Variants in CUL4A observed in about 807,000 individuals in gnomAD.
CUL4A encodes the protein cullin 4A.
CUL4A carries 16 observed loss-of-function variants against 95.5 expected under a neutral mutation model. The observed-to-expected ratio is 0.17, with a 90% CI of 0.11 to 0.25. The LOEUF is 0.25. Among genes scored for constraint, CUL4A ranks in the 10% least tolerant of loss-of-function variants. CUL4A has a pLI of 1.00. For synonymous variants in CUL4A, 380 were observed against 353.1 expected (o/e 1.08, Z -0.85); for missense variants, 610 against 937.0 (o/e 0.65, Z 4.56).
At chr13:113,220,886 G>A (rs2040871952) in intron 3 of CUL4A, among the ~76,000 whole-genome samples, 1 of 152,116 alleles carries the variant, frequency 6.6e-6, no homozygotes, top group Non-Finnish European at 1.5e-5. Context: ...GTATTTCCCT[G>A]GTGCAGTGGC....
chr13:113,245,272 A>G, intron 14 of CUL4A, 35 bp downstream of exon 14: 2 of 1,585,058 alleles, frequency 1.3e-6, no homozygotes, highest in Non-Finnish European at 1.7e-6. Context: ...CGGCTTTTTA[A>G]AAAGTATCTG....
In CUL4A at chr13:113,266,388, T is replaced by C. The variant is rs182353659; in HGVS notation, c.*2806T>C. On this transcript the variant is annotated 3_prime_UTR_variant, in exon 20 of 20. Transcript: ENST00000375440. ...CTAGTAACAAATAGGGAAACACCTA[T>C]GTGAAAGGTATTATAACATTACTAA... 8 of 152,314 alleles carry C rather than the reference T, an allele frequency of 5.3e-5. No homozygotes were observed. Among genetic ancestry groups the C allele is most frequent in the African/African-American group, 1.9e-4 (8 of 41,578 alleles). 9.4% of individuals were successfully genotyped at this position (152,314 alleles called of 1,614,324 possible).
At chr13:113,254,606 A>AT in intron 16 of CUL4A, 87 bp from the exon 17 acceptor site, 4 of 910,268 alleles carry the variant, frequency 4.4e-6, no homozygotes, top group Non-Finnish European at 6.7e-6. Context: ...AAAAAAAAAA[A>AT]GTTTGAGAGC....
intron 2 of CUL4A, among the ~76,000 whole-genome samples, chr13:113,215,137 C>T (rs575620001): frequency 7.0e-6 from 1 of 143,112 alleles, no homozygotes; most frequent in Non-Finnish European, 1.5e-5. Context: ...AGTCGCGTTC[C>T]GTGTGGCTGT....
In CUL4A at chr13:113,209,758, T is replaced by A; in HGVS notation, c.131T>A (p.Val44Asp). The A allele has an allele frequency of 2.6e-6, 3 of 1,175,276 alleles. No homozygotes were observed. The highest frequency in any genetic ancestry group is 3.2e-6 in the Non-Finnish European group (3 of 951,744). The allele number at this position is 1,175,276 out of a possible 1,614,324, so 72.8% of individuals were successfully genotyped here. The change falls in exon 1 of 20, where the codon GTC becomes GAC. Residue 44 changes from valine to aspartate, a missense_variant. Physicochemically the swap from Val to Asp is radical, Grantham distance 152 (BLOSUM62 -3). Coordinates refer to ENST00000375440, the MANE Select transcript of CUL4A (RefSeq NM_001008895.4). Reference sequence around the variant, plus strand: ...GGCGCGGGCGGCTCCAAGAAGCTGGTCATCAAGAACTTCCGAGGTGGGTGC... The same window carrying A: ...GGCGCGGGCGGCTCCAAGAAGCTGGACATCAAGAACTTCCGAGGTGGGTGC... ...PGGAGGSKKL[V>D]IKNFRDRPRL...
rs2040332008 is a variant in CUL4A, at chr13:113,210,163, G to T, written c.264+75G>T. On this transcript the variant is annotated intron_variant, in intron 2 of 19. Transcript: ENST00000375440. ...AGACGCGGCCGGGCGGCCGCTCCGG[G>T]TGCCTCGCAGGCTCTCGCCGGGGAG... is the stretch of plus-strand genomic sequence containing the variant. The T allele has an allele frequency of 8.8e-6, 9 of 1,020,698 alleles. No homozygotes were observed. In the South Asian group the frequency reaches 9.4e-5, roughly 11 times the overall value. 63.2% of individuals were successfully genotyped at this position (1,020,698 alleles called of 1,614,324 possible).
intron 3 of CUL4A, 35 bp from the exon 4 acceptor site, chr13:113,227,941 C>A: frequency 7.2e-7 from 1 of 1,379,558 alleles, no homozygotes; most frequent in African/African-American, 1.4e-5. Context: ...TTAAATTGGC[C>A]AGCATTTTTA....
At chr13:113,212,190 A>G (rs1428918234) in intron 2 of CUL4A, among the ~76,000 whole-genome samples, 1 of 152,202 alleles carries the variant, frequency 6.6e-6, no homozygotes, top group Non-Finnish European at 1.5e-5. Flanking sequence ...TTTATTATGT[A>G]TTCTGGATAC....
intron 18 of CUL4A, among the ~76,000 whole-genome samples, chr13:113,255,347 A>G (rs777166737): frequency 4.6e-5 from 7 of 152,198 alleles, no homozygotes; most frequent in Non-Finnish European, 7.3e-5. Flanking sequence ...TGTTATTCCT[A>G]TTCACAAAAA....
chr13:113,252,150 G>GCAGGATC (rs1220632255), intron 15 of CUL4A, among the ~76,000 whole-genome samples: 5 of 152,182 alleles, frequency 3.3e-5, no homozygotes, highest in Non-Finnish European at 7.3e-5. Context: ...GAAAACACGA[G>GCAGGATC]CAGGATCCGG....
At chr13:113,246,091 C>T (rs373461324) in intron 15 of CUL4A, 28 bp downstream of exon 15, 1 of 1,533,268 alleles carries the variant, frequency 6.5e-7, no homozygotes, top group Non-Finnish European at 9.0e-7. Context: ...ATGCTGTCCG[C>T]TCCCGCTGTC....
chr13:113,233,019 A>T, intron 5 of CUL4A, 158 bp from the exon 6 acceptor site: 1 of 745,910 alleles, frequency 1.3e-6, no homozygotes, highest in South Asian at 2.0e-5. Context: ...AGACTGGCTG[A>T]GAAACAGAAG....
rs780889087 is a variant in CUL4A, at chr13:113,219,063, G to T, written c.368+15G>T. 1.4e-5 allele frequency: 21 copies of T among 1,527,972 alleles called. No individual in the cohort carries two copies. The highest frequency in any genetic ancestry group is 1.7e-5 in the Non-Finnish European group (19 of 1,118,256). 94.7% of individuals were successfully genotyped at this position (1,527,972 alleles called of 1,614,324 possible). Reference sequence around the variant, plus strand: ...CCGTTTAGAGAATATCCTTTTTTTGGTTCATAAAGTTTCTATTCATTATCT... The same window carrying T: ...CCGTTTAGAGAATATCCTTTTTTTGTTTCATAAAGTTTCTATTCATTATCT... On this transcript the variant is annotated intron_variant, in intron 3 of 19. Transcript: ENST00000375440.
Position 113,233,307 on chromosome 13 carries a change from C to G in CUL4A, c.643C>G (p.Arg215Gly). ...CGAGGCCGTGGACCGGAGCCTGTTG[C>G]GGAGCCTCCTGGGCATGCTGTCTGA... ...SGEAVDRSLL[R>G]SLLGMLSDLQ... is the part of the protein sequence containing the mutation. The change falls in exon 6 of 20, where the codon CGG becomes GGG. Residue 215 changes from arginine to glycine, a missense_variant. Arg to Gly is a moderately radical substitution (Grantham distance 125, BLOSUM62 -2). Coordinates refer to ENST00000375440, the MANE Select transcript of CUL4A (RefSeq NM_001008895.4). 1.2e-6 allele frequency: 2 copies of G among 1,613,336 alleles called. No homozygotes were observed. The highest frequency in any genetic ancestry group is 1.1e-5 in the South Asian group (1 of 91,042).
At chr13:113,219,584 C>G in intron 3 of CUL4A, 1 of 153,936 alleles carries the variant, frequency 6.5e-6, no homozygotes, top group Non-Finnish European at 1.4e-5. Flanking sequence ...CCTTCTGTCC[C>G]GTGTTGCTTG....
intron 3 of CUL4A, among the ~76,000 whole-genome samples, chr13:113,223,416 C>T (rs974775261): frequency 6.6e-6 from 1 of 152,104 alleles, no homozygotes; most frequent in African/African-American, 2.4e-5. Context: ...TGTTTTGAGA[C>T]GGAGTTTCGC....
At chr13:113,235,970 CAAA>C (rs35017025) in intron 8 of CUL4A, among the ~76,000 whole-genome samples, 7 of 65,080 alleles carry the variant, frequency 1.1e-4, no homozygotes, top group Admixed American at 1.8e-4. Flanking sequence ...GACTCCGTCT[CAAA>C]AAAAAAAAAA....
At chr13:113,229,010 C>T (rs367864142) in intron 4 of CUL4A, among the ~76,000 whole-genome samples, 1 of 152,008 alleles carries the variant, frequency 6.6e-6, no homozygotes, top group African/African-American at 2.4e-5. Flanking sequence ...CGCCTGTAGT[C>T]CCAGCTACTC....
intron 2 of CUL4A, among the ~76,000 whole-genome samples, chr13:113,214,367 G>T (rs1448961251): frequency 1.3e-5 from 2 of 152,194 alleles, no homozygotes; most frequent in African/African-American, 2.4e-5. Context: ...TCTGTGTCTT[G>T]TGTCTCTATG....
Sources: gnomAD v4.1 joint callset for allele counts (sites outside exome capture counted in the v4.1 genomes callset) on GRCh38, gnomAD v4.1.1 for gene constraint, MANE v1.5 for transcripts, NCBI Gene and HGNC (gene_info 2026-07-23, HGNC 2026-07-21) for gene names.